PKHD1: variants seen among roughly 807,000 people sequenced by gnomAD.
PKHD1 encodes fibrocystin.
In PKHD1, 291 loss-of-function variants were observed where a neutral mutation model predicts 412.0. That is an observed-to-expected ratio of 0.71 (90% CI 0.64 to 0.78). The LOEUF (loss-of-function observed/expected upper bound fraction) is 0.78, where lower values mean the gene tolerates loss of function less well. Among genes scored for constraint, PKHD1 ranks in the 30% least tolerant of loss-of-function variants. PKHD1 has a pLI of 0.00. For missense variants in PKHD1, 4,825 were observed against 4,950.7 expected, an observed-to-expected ratio of 0.97 and a Z score of 0.76; for synonymous variants, 1,777 against 1,821.5, an observed-to-expected ratio of 0.98 and a Z score of 0.62.
At chr6:51,697,274 G>A (rs1345008803) in intron 60 of PKHD1, among the ~76,000 whole-genome samples, 1 of 152,212 alleles carries the variant, frequency 6.6e-6, no homozygotes, top group Non-Finnish European at 1.5e-5. Flanking sequence ...AACACGCTGT[G>A]AGGTAATTGT....
Position 51,754,923 on chromosome 6 carries a change from A to T in PKHD1, c.8658T>A (p.Asp2886Glu), listed in dbSNP as rs1202155295. Residue 2886 changes from aspartate to glutamate, a missense_variant, in exon 56 of 67, where the codon GAT becomes GAA. Coordinates refer to ENST00000371117, the MANE Select transcript of PKHD1 (RefSeq NM_138694.4). Reference sequence around the variant, plus strand: ...TGTCATGGGGGCGCCAATCCACTGCATCTTCTACTATAATTCTGTAACAGC... The same window carrying T: ...TGTCATGGGGGCGCCAATCCACTGCTTCTTCTACTATAATTCTGTAACAGC... ...ASGNERIIVE[D>E]AVDWRPHDKI... The T allele has an allele frequency of 6.2e-7, 1 of 1,613,256 alleles. No homozygotes were observed.
At chr6:51,822,754 C>T (rs75329209) in intron 52 of PKHD1, among the ~76,000 whole-genome samples, 2,161 of 152,258 alleles carry the variant, frequency 0.014, 48 homozygotes, top group African/African-American at 0.05. Context: ...TACTCCTTTA[C>T]ATGCATCCTC....
chr6:52,045,338 C>CT (rs2128187150), intron 24 of PKHD1, among the ~76,000 whole-genome samples: 1 of 152,306 alleles, frequency 6.6e-6, no homozygotes, highest in East Asian at 1.9e-4. Context: ...AATCTTCTCT[C>CT]TAAGTCTTGA....
chr6:52,018,025 A>C (rs888201877), intron 33 of PKHD1, among the ~76,000 whole-genome samples: 2 of 152,190 alleles, frequency 1.3e-5, no homozygotes, highest in Admixed American at 6.5e-5. Flanking sequence ...CTTGTTTTTG[A>C]ACTTTATAAA....
At chr6:51,938,229 T>G (rs939406753) in intron 36 of PKHD1, among the ~76,000 whole-genome samples, 2 of 152,234 alleles carry the variant, frequency 1.3e-5, no homozygotes, top group Non-Finnish European at 2.9e-5. Context: ...ATAACATCAC[T>G]ATTTTAGAAA....
chr6:51,821,602 T>G (rs1206339887), intron 52 of PKHD1, among the ~76,000 whole-genome samples: 1 of 152,204 alleles, frequency 6.6e-6, no homozygotes, highest in Admixed American at 6.5e-5. Flanking sequence ...ATTCTAAGAG[T>G]TATACATAAT....
intron 60 of PKHD1, among the ~76,000 whole-genome samples, chr6:51,736,347 T>C (rs1582365829): frequency 1.3e-5 from 2 of 152,206 alleles, no homozygotes; most frequent in East Asian, 3.9e-4. Context: ...CAAATATTGT[T>C]ATGGCATTCA....
intron 60 of PKHD1, among the ~76,000 whole-genome samples, chr6:51,701,294 T>A (rs867616310): frequency 1.4e-4 from 22 of 152,236 alleles, no homozygotes; most frequent in Middle Eastern, 6.8e-3. Flanking sequence ...AAGCAAAAAA[T>A]TAGCCTATTT....
At chr6:51,671,580 A>T (rs368818236) in intron 60 of PKHD1, among the ~76,000 whole-genome samples, 43 of 151,744 alleles carry the variant, frequency 2.8e-4, no homozygotes, top group African/African-American at 9.9e-4. Context: ...GCTTTGTTCC[A>T]TTGCTGGTGA....
chr6:52,073,957 G>T (rs1028412895), intron 6 of PKHD1, among the ~76,000 whole-genome samples: 1 of 152,164 alleles, frequency 6.6e-6, no homozygotes, highest in Non-Finnish European at 1.5e-5. Flanking sequence ...CAGGCTTCAT[G>T]AGACTTTCCT....
chr6:51,999,319 C>A (rs1798081448), intron 35 of PKHD1, among the ~76,000 whole-genome samples: 1 of 152,148 alleles, frequency 6.6e-6, no homozygotes, highest in South Asian at 2.1e-4. Flanking sequence ...TCTGGTTCCC[C>A]TTCTTTTCTC....
intron 35 of PKHD1, among the ~76,000 whole-genome samples, chr6:51,964,003 C>A (rs1317622822): frequency 6.6e-6 from 1 of 152,134 alleles, no homozygotes; most frequent in South Asian, 2.1e-4. Context: ...AATAGAGATA[C>A]AAGAATTGCC....
intron 20 of PKHD1, 71 bp from the exon 21 acceptor site, chr6:52,053,322 T>C (rs1031518773): frequency 6.7e-7 from 1 of 1,496,506 alleles, no homozygotes. Flanking sequence ...AGAGCCCTTG[T>C]TCCCAACCTG....
intron 43 of PKHD1, among the ~76,000 whole-genome samples, chr6:51,890,434 A>G (rs1024126549): frequency 6.6e-6 from 1 of 152,182 alleles, no homozygotes; most frequent in African/African-American, 2.4e-5. Context: ...CATATTGAAC[A>G]ACATCCTTTG....
At position 51,885,931 on chromosome 6, in the gene PKHD1, T is replaced by C; in HGVS notation, c.7151A>G (p.Asp2384Gly). ...FVYPKFQPPW[D>G]NVTGTTLFQS... ...GAACAGAGTGGTGCCAGTGACATTA[T>C]CCCAAGGTGGCTGAAATTTAGGGTA... Residue 2384 changes from aspartate (D) to glycine (G), a missense_variant, in exon 45 of 67, where the codon GAT becomes GGT. Transcript: ENST00000371117. 3.7e-6 allele frequency: 6 copies of C among 1,613,444 alleles called. No homozygotes were observed. In the East Asian group the frequency reaches 6.7e-5, roughly 18 times the overall value.
At chr6:51,717,523 T>A in intron 60 of PKHD1, among the ~76,000 whole-genome samples, 1 of 152,260 alleles carries the variant, frequency 6.6e-6, no homozygotes, top group South Asian at 2.1e-4. Context: ...ACAAATATCA[T>A]TGTGTTATAG....
At chr6:51,801,963 G>A (rs1295002816) in intron 52 of PKHD1, among the ~76,000 whole-genome samples, 1 of 152,116 alleles carries the variant, frequency 6.6e-6, no homozygotes, top group African/African-American at 2.4e-5. Flanking sequence ...TAATAGGAAG[G>A]TTTTTAAGTA....
At chr6:51,643,476 T>A (rs1298998286) in intron 63 of PKHD1, among the ~76,000 whole-genome samples, 1 of 152,046 alleles carries the variant, frequency 6.6e-6, no homozygotes, top group African/African-American at 2.4e-5. Flanking sequence ...AGATAGATTG[T>A]GTAAGTAGAA....
chr6:51,885,986 C>T lies in PKHD1; in HGVS notation c.7110-14G>A. Reference sequence around the variant, plus strand: ...AAGAGACCATACCTAAAAAGTGAAACAGAATGAAATTAAGCCAATTTTTAT... The same window carrying T: ...AAGAGACCATACCTAAAAAGTGAAATAGAATGAAATTAAGCCAATTTTTAT... On this transcript the variant is annotated splice_polypyrimidine_tract_variant and intron_variant, in intron 44 of 66. Transcript: ENST00000371117. 6.8e-7 allele frequency: 1 copy of T among 1,474,316 alleles called. No individual in the cohort carries two copies. The highest frequency in any genetic ancestry group is 9.5e-7 in the Non-Finnish European group (1 of 1,053,070). 91.3% of individuals were successfully genotyped at this position (1,474,316 alleles called of 1,614,324 possible). A position where few individuals can be genotyped will look rare whatever the true frequency, so the allele number is the denominator to read the frequency against.
Sources: allele counts gnomAD v4.1 joint callset (sites outside exome capture counted in the v4.1 genomes callset), GRCh38; gene constraint gnomAD v4.1.1; transcripts MANE v1.5; gene names NCBI Gene and HGNC (gene_info 2026-07-23, HGNC 2026-07-21).